HS3ST4: variants seen among roughly 807,000 people sequenced by gnomAD.
HS3ST4 encodes the protein heparan sulfate glucosamine 3-O-sulfotransferase 4.
A neutral mutation model predicts 29.2 loss-of-function variants in HS3ST4; 17 were observed. That is an observed-to-expected ratio of 0.58 (90% CI 0.40 to 0.87). The LOEUF is 0.87. Ranked by LOEUF, HS3ST4 falls within the 40% of genes least tolerant of loss-of-function variation. The probability of loss-of-function intolerance (pLI) is 0.00; values close to 1 mark genes in which losing one functional copy is unlikely to be tolerated. For missense variants in HS3ST4, 627 were observed against 634.5 expected, an observed-to-expected ratio of 0.99 and a Z score of 0.13; for synonymous variants, 314 against 285.7, an observed-to-expected ratio of 1.10 and a Z score of -1.00.
Position 25,838,157 on chromosome 16 carries a change from A to G in HS3ST4, c.734+145006A>G, listed in dbSNP as rs146019531. On this transcript the variant is annotated intron_variant, in intron 1 of 1. Transcript: ENST00000331351. The stretch of plus-strand genomic sequence containing the variant: ...AGATGCTAAACAGGAATACTAATAG[A>G]GAAATATGCTGGAATCGTGTATCCT... Among the ~76,000 whole-genome samples, 751 of 152,350 alleles carry G rather than the reference A, an allele frequency of 4.9e-3. 8 individuals are homozygous for G. The highest frequency in any genetic ancestry group is 0.017 in the African/African-American group (724 of 41,574).
intron 1 of HS3ST4, among the ~76,000 whole-genome samples, chr16:25,877,934 C>T (rs1334907559): frequency 6.6e-6 from 1 of 152,142 alleles, no homozygotes; most frequent in Non-Finnish European, 1.5e-5. Context: ...ATCTCAGGAG[C>T]TTCCAGTCTG....
chr16:26,066,998 A>G (rs1898550795), intron 1 of HS3ST4, among the ~76,000 whole-genome samples: 1 of 152,186 alleles, frequency 6.6e-6, no homozygotes, highest in South Asian at 2.1e-4. Context: ...AAGTCATATG[A>G]GGACTCCCAG....
chr16:25,907,826 C>A (rs1283367502), intron 1 of HS3ST4, among the ~76,000 whole-genome samples: 1 of 152,212 alleles, frequency 6.6e-6, no homozygotes, highest in Admixed American at 6.5e-5. Context: ...CTGTGATAAA[C>A]CAAAGATGCG....
chr16:25,731,181 C>T (rs544538448), intron 1 of HS3ST4, among the ~76,000 whole-genome samples: 1 of 152,296 alleles, frequency 6.6e-6, no homozygotes, highest in East Asian at 1.9e-4. Flanking sequence ...CATGACTGAT[C>T]TTAGCTATCA....
chr16:26,128,828 C>T (rs7185695), intron 1 of HS3ST4, among the ~76,000 whole-genome samples: 41,184 of 152,060 alleles, frequency 0.27, 5,806 homozygotes, highest in East Asian at 0.47. Flanking sequence ...GCAGGTGCTC[C>T]ATTGAATTTT....
intron 1 of HS3ST4, among the ~76,000 whole-genome samples, chr16:25,856,492 C>A (rs1222857197): frequency 1.3e-5 from 2 of 152,056 alleles, no homozygotes; most frequent in African/African-American, 4.8e-5. Flanking sequence ...GGGTTGGTGA[C>A]ATATTAATGT....
At chr16:25,953,880 T>C (rs1353209193) in intron 1 of HS3ST4, among the ~76,000 whole-genome samples, 2 of 152,152 alleles carry the variant, frequency 1.3e-5, no homozygotes, top group Non-Finnish European at 2.9e-5. Context: ...GTGAGGGAGC[T>C]GGGGTATTTA....
At chr16:25,820,010 C>CAAAAAAAAGAAAAAAAAAAAAAA (rs1967132016) in intron 1 of HS3ST4, among the ~76,000 whole-genome samples, 1 of 46,934 alleles carries the variant, frequency 2.1e-5, no homozygotes, top group Non-Finnish European at 3.3e-5. Context: ...TACTCTGTCT[C>CAAAAAAAAGAAAAAAAAAAAAAA]AAAAAAAAAA....
intron 1 of HS3ST4, among the ~76,000 whole-genome samples, chr16:25,961,623 AAC>A (rs1968793726): frequency 6.6e-6 from 1 of 152,204 alleles, no homozygotes; most frequent in East Asian, 1.9e-4. Context: ...TGCAATAAGC[AAC>A]AGTGTGTCGG....
intron 1 of HS3ST4, among the ~76,000 whole-genome samples, chr16:25,996,642 G>A (rs184816733): frequency 2.4e-4 from 36 of 151,996 alleles, no homozygotes; most frequent in African/African-American, 7.5e-4. Context: ...CACTTGTATC[G>A]ATGTCCACTG....
chr16:26,082,943 A>G (rs1898741634), intron 1 of HS3ST4, among the ~76,000 whole-genome samples: 1 of 152,236 alleles, frequency 6.6e-6, no homozygotes, highest in Non-Finnish European at 1.5e-5. Context: ...CTGTTCTAAC[A>G]CAAGCATCCA....
At chr16:26,081,979 G>A (rs149988373) in intron 1 of HS3ST4, among the ~76,000 whole-genome samples, 1 of 151,966 alleles carries the variant, frequency 6.6e-6, no homozygotes, top group South Asian at 2.1e-4. Context: ...ATTTTCAGTA[G>A]AGACAGGGTT....
At chr16:25,780,296 T>C (rs939590893) in intron 1 of HS3ST4, among the ~76,000 whole-genome samples, 1 of 152,164 alleles carries the variant, frequency 6.6e-6, no homozygotes, top group East Asian at 1.9e-4. Context: ...CATTTGACAT[T>C]TGCAGTAGAT....
At chr16:25,859,328 C>T (rs769154967) in intron 1 of HS3ST4, among the ~76,000 whole-genome samples, 5 of 152,180 alleles carry the variant, frequency 3.3e-5, no homozygotes, top group African/African-American at 4.8e-5. Flanking sequence ...TTATTTAATT[C>T]TCATAGCTGT....
intron 1 of HS3ST4, among the ~76,000 whole-genome samples, chr16:26,058,490 A>C (rs1016833653): frequency 6.6e-6 from 1 of 152,180 alleles, no homozygotes; most frequent in Non-Finnish European, 1.5e-5. Flanking sequence ...GACATGGCTC[A>C]CAGGCACAGC....
At chr16:25,701,627 C>G (rs1453748764) in intron 1 of HS3ST4, among the ~76,000 whole-genome samples, 1 of 152,000 alleles carries the variant, frequency 6.6e-6, no homozygotes, top group Admixed American at 6.6e-5. Context: ...TGTTTGGGGA[C>G]TTGTTATTTA....
intron 1 of HS3ST4, among the ~76,000 whole-genome samples, chr16:25,794,769 A>C (rs1966878220): frequency 6.6e-6 from 1 of 151,892 alleles, no homozygotes; most frequent in Non-Finnish European, 1.5e-5. Flanking sequence ...TCCTGAATCC[A>C]TACCTTGATA....
chr16:25,992,970 G>A lies in HS3ST4; in HGVS notation c.735-142642G>A, dbSNP rs368896620. On this transcript the variant is annotated intron_variant, in intron 1 of 1. Coordinates refer to ENST00000331351, the MANE Select transcript of HS3ST4 (RefSeq NM_006040.3). ...CAGCTCTGCCTTGCTTGCGTTAGGG[G>A]GCCCATTCTTAGGCAGGGTCTCTGC... 7.2e-5 allele frequency among the ~76,000 whole-genome samples: 11 copies of A among 152,250 alleles called. No individual in the cohort carries two copies. The South Asian group carries it at 2.1e-3, about 29-fold the overall frequency.
At chr16:25,917,476 G>A (rs1225613559) in intron 1 of HS3ST4, among the ~76,000 whole-genome samples, 1 of 152,224 alleles carries the variant, frequency 6.6e-6, no homozygotes, top group Non-Finnish European at 1.5e-5. Flanking sequence ...CATCTAAAGT[G>A]CTGAGATTAT....
Sources: gnomAD v4.1 joint callset for allele counts (sites outside exome capture counted in the v4.1 genomes callset) on GRCh38, gnomAD v4.1.1 for gene constraint, MANE v1.5 for transcripts, NCBI Gene and HGNC (gene_info 2026-07-23, HGNC 2026-07-21) for gene names.